Variants in MEIS2 observed in about 807,000 individuals in gnomAD.
The protein encoded by MEIS2 is homeobox protein Meis2.
In MEIS2, 9 loss-of-function variants were observed where a neutral mutation model predicts 58.6. That is an observed-to-expected ratio of 0.15 (90% CI 0.09 to 0.27). The LOEUF (loss-of-function observed/expected upper bound fraction) is 0.27. Ranked by LOEUF, MEIS2 falls within the 10% of genes least tolerant of loss-of-function variation. The pLI is 1.00. For missense variants in MEIS2, 427 were observed against 635.0 expected (o/e 0.67, Z 3.52); for synonymous variants, 221 against 228.4 (o/e 0.97, Z 0.29).
rs185686669 is a variant in MEIS2 at position 37,019,732 on chromosome 15, T to C, written c.900+17082A>G. Among the ~76,000 whole-genome samples, 576 of 152,228 alleles carry C rather than the reference T, an allele frequency of 3.8e-3. 2 individuals are homozygous for C. Among genetic ancestry groups the C allele is most frequent in the African/African-American group, 0.013 (556 of 41,534 alleles). The stretch of plus-strand genomic sequence containing the variant: ...CGCAGGGCCCAACAGCAGGCCCTGG[T>C]CTTAGGTGCTGCCAGGTTCATTCCA... On this transcript the variant is annotated intron_variant, in intron 8 of 11. Transcript: ENST00000561208.
At chr15:37,055,809 C>CA (rs757079388) in intron 7 of MEIS2, among the ~76,000 whole-genome samples, 4 of 152,084 alleles carry the variant, frequency 2.6e-5, no homozygotes, top group Admixed American at 1.3e-4. Flanking sequence ...AGTTCTACCA[C>CA]AAAAAATAAA....
chr15:36,976,923 A>G (rs1279290151), intron 8 of MEIS2, among the ~76,000 whole-genome samples: 1 of 152,208 alleles, frequency 6.6e-6, no homozygotes, highest in African/African-American at 2.4e-5. Context: ...CGGGAGTTCG[A>G]GACCAGCCTG....
intron 6 of MEIS2, among the ~76,000 whole-genome samples, chr15:37,089,316 C>A (rs145458883): frequency 2.6e-5 from 4 of 152,216 alleles, no homozygotes; most frequent in African/African-American, 7.2e-5. Flanking sequence ...CCACTTGAAC[C>A]TATCCCACCC....
Position 37,081,097 on chromosome 15 carries a change from T to G in MEIS2, c.754+2674A>C, listed in dbSNP as rs538208368. ...AAGCAACATAAATACATGTATTGTT[T>G]TATAGCATGTGGCTATTAAAGTTTA... On this transcript the variant is annotated intron_variant, in intron 7 of 11. Transcript: ENST00000561208. 2.0e-5 allele frequency among the ~76,000 whole-genome samples: 3 copies of G among 152,326 alleles called. No homozygotes were observed. The East Asian group carries it at 5.8e-4, about 29-fold the overall frequency.
intron 8 of MEIS2, among the ~76,000 whole-genome samples, chr15:37,009,422 T>C (rs2061051196): frequency 1.3e-5 from 2 of 152,274 alleles, no homozygotes; most frequent in African/African-American, 4.8e-5. Flanking sequence ...ATTTATTTCA[T>C]TGACAAACAA....
intron 8 of MEIS2, among the ~76,000 whole-genome samples, chr15:37,021,595 T>C (rs1316722521): frequency 1.3e-5 from 2 of 152,220 alleles, no homozygotes; most frequent in African/African-American, 2.4e-5. Context: ...CTTTCTCTGC[T>C]TCTCTGTTTC....
chr15:36,907,131 T>C (rs1446232207), intron 9 of MEIS2, among the ~76,000 whole-genome samples: 2 of 152,238 alleles, frequency 1.3e-5, no homozygotes, highest in Admixed American at 6.5e-5. Flanking sequence ...ACTATGTATT[T>C]TTAAGCAATA....
chr15:37,082,210 G>A (rs1476971533), intron 7 of MEIS2, among the ~76,000 whole-genome samples: 1 of 152,136 alleles, frequency 6.6e-6, no homozygotes, highest in African/African-American at 2.4e-5. Flanking sequence ...TAACGTAATT[G>A]CAAGAATGTG....
chr15:36,965,684 G>C (rs2059330210), intron 8 of MEIS2, among the ~76,000 whole-genome samples: 1 of 152,158 alleles, frequency 6.6e-6, no homozygotes, highest in Non-Finnish European at 1.5e-5. Flanking sequence ...GAAACAATTA[G>C]GAAAATTTCA....
In MEIS2 at chr15:36,938,500, C is replaced by T. The variant is rs767686354; in HGVS notation, c.977+11824G>A. 9.7e-4 allele frequency among the ~76,000 whole-genome samples: 148 copies of T among 152,254 alleles called. 3 individuals carry two copies. The highest frequency in any genetic ancestry group is 3.1e-4 in the Non-Finnish European group (21 of 68,020). The stretch of plus-strand genomic sequence containing the variant: ...TATTTTCGTCCCATGCTGAATTAGC[C>T]ACCAAAACCTGCCACAGTTATAACA... On this transcript the variant is annotated intron_variant, in intron 9 of 11. Transcript: ENST00000561208.
intron 7 of MEIS2, among the ~76,000 whole-genome samples, chr15:37,038,493 C>T (rs543082639): frequency 7.9e-5 from 12 of 152,338 alleles, no homozygotes; most frequent in Admixed American, 3.9e-4. Context: ...TCCATTTTCA[C>T]TGCAATGCGA....
At chr15:37,028,939 A>C (rs2061805742) in intron 8 of MEIS2, among the ~76,000 whole-genome samples, 1 of 151,350 alleles carries the variant, frequency 6.6e-6, no homozygotes, top group Admixed American at 6.6e-5. Flanking sequence ...TAGGAAGAAC[A>C]CTCAAGCTTA....
chr15:36,939,960 G>A (rs1173869195), intron 9 of MEIS2, among the ~76,000 whole-genome samples: 1 of 152,146 alleles, frequency 6.6e-6, no homozygotes, highest in Non-Finnish European at 1.5e-5. Flanking sequence ...GATAAATTGC[G>A]ATGGCAGGAT....
chr15:36,893,378 C>A (rs2055987988), intron 11 of MEIS2, among the ~76,000 whole-genome samples: 1 of 152,176 alleles, frequency 6.6e-6, no homozygotes, highest in South Asian at 2.1e-4. Flanking sequence ...AATCTAAAGG[C>A]TTATATGCTG....
chr15:37,027,903 G>A (rs978145820), intron 8 of MEIS2, among the ~76,000 whole-genome samples: 1 of 152,148 alleles, frequency 6.6e-6, no homozygotes, highest in African/African-American at 2.4e-5. Flanking sequence ...TACCGGAGTA[G>A]CACATTTGTC....
chr15:37,056,915 C>T (rs534804876), intron 7 of MEIS2, among the ~76,000 whole-genome samples: 1 of 152,300 alleles, frequency 6.6e-6, no homozygotes, highest in South Asian at 2.1e-4. Flanking sequence ...ACAATGATTT[C>T]CGCCTTAACG....
intron 8 of MEIS2, among the ~76,000 whole-genome samples, chr15:36,976,248 C>T (rs1190077896): frequency 6.6e-6 from 1 of 151,858 alleles, no homozygotes; most frequent in African/African-American, 2.4e-5. Context: ...CCATGCCCAG[C>T]TAATTTTTTG....
At chr15:37,077,524 G>A (rs1209326658) in intron 7 of MEIS2, among the ~76,000 whole-genome samples, 1 of 151,982 alleles carries the variant, frequency 6.6e-6, no homozygotes, top group Non-Finnish European at 1.5e-5. Context: ...TCTGCTATAA[G>A]AATAAATTTT....
chr15:36,899,236 G>A (rs1294737175), intron 9 of MEIS2, among the ~76,000 whole-genome samples: 1 of 152,080 alleles, frequency 6.6e-6, no homozygotes, highest in Non-Finnish European at 1.5e-5. Context: ...CTCTTAACAT[G>A]CAACTCCTGC....
Sources: allele counts gnomAD v4.1 joint callset (sites outside exome capture counted in the v4.1 genomes callset), GRCh38; gene constraint gnomAD v4.1.1; transcripts MANE v1.5; gene names NCBI Gene and HGNC (gene_info 2026-07-23, HGNC 2026-07-21).